MACROD2: variants seen among roughly 807,000 people sequenced by gnomAD.
MACROD2 encodes ADP-ribose glycohydrolase MACROD2.
A neutral mutation model predicts 70.4 loss-of-function variants in MACROD2; 36 were observed. The ratio of observed to expected loss-of-function variants is 0.51; its 90% CI spans 0.39 to 0.68. MACROD2 has a LOEUF of 0.68. Among genes scored for constraint, MACROD2 ranks in the 30% least tolerant of loss-of-function variants. The pLI is 0.00. For synonymous variants in MACROD2, 172 were observed against 178.8 expected, an observed-to-expected ratio of 0.96 and a Z score of 0.30; for missense variants, 496 against 538.4, an observed-to-expected ratio of 0.92 and a Z score of 0.78.
chr20:15,110,967 T>A (rs1200037167), intron 5 of MACROD2, among the ~76,000 whole-genome samples: 1 of 152,190 alleles, frequency 6.6e-6, no homozygotes, highest in Admixed American at 6.5e-5. Flanking sequence ...CTGCATCCAA[T>A]ACTTATTTAA....
intron 4 of MACROD2, among the ~76,000 whole-genome samples, chr20:14,573,126 G>A (rs1258258638): frequency 6.6e-6 from 1 of 151,900 alleles, no homozygotes; most frequent in East Asian, 1.9e-4. Context: ...AATAACATCA[G>A]GATTTGGTAT....
At chr20:15,012,484 C>T (rs2075090438) in intron 5 of MACROD2, among the ~76,000 whole-genome samples, 1 of 152,160 alleles carries the variant, frequency 6.6e-6, no homozygotes, top group Non-Finnish European at 1.5e-5. Flanking sequence ...ATAGGGTGCT[C>T]AGCAAAGTCC....
chr20:15,144,248 G>A (rs376321902), intron 5 of MACROD2, among the ~76,000 whole-genome samples: 2 of 152,018 alleles, frequency 1.3e-5, no homozygotes, highest in African/African-American at 4.8e-5. Context: ...CACTGCACCT[G>A]GCCTACAATT....
intron 3 of MACROD2, among the ~76,000 whole-genome samples, chr20:14,245,240 G>A (rs930541735): frequency 2.0e-5 from 3 of 151,940 alleles, no homozygotes; most frequent in African/African-American, 7.3e-5. Context: ...GCGGGCACCT[G>A]TAGTCCCAGC....
chr20:15,073,136 A>G (rs2075631577), intron 5 of MACROD2, among the ~76,000 whole-genome samples: 1 of 152,102 alleles, frequency 6.6e-6, no homozygotes. Context: ...AAAATTATAA[A>G]TTCCCCAGTC....
chr20:14,516,076 A>C (rs897157501), intron 4 of MACROD2, among the ~76,000 whole-genome samples: 2 of 149,428 alleles, frequency 1.3e-5, no homozygotes, highest in African/African-American at 4.9e-5. Context: ...CTCTCAAATA[A>C]ATAAATAAAT....
At chr20:14,552,634 G>A (rs1013275396) in intron 4 of MACROD2, among the ~76,000 whole-genome samples, 2 of 152,042 alleles carry the variant, frequency 1.3e-5, no homozygotes, top group Admixed American at 1.3e-4. Flanking sequence ...AGATGGGATA[G>A]CCTACTATGT....
chr20:15,544,575 T>C (rs892222804), intron 8 of MACROD2, among the ~76,000 whole-genome samples: 1 of 152,192 alleles, frequency 6.6e-6, no homozygotes, highest in Non-Finnish European at 1.5e-5. Context: ...AGAATCTCAA[T>C]GTGAATTTGG....
chr20:14,455,809 T>G (rs376352157), intron 3 of MACROD2, among the ~76,000 whole-genome samples: 1 of 151,836 alleles, frequency 6.6e-6, no homozygotes, highest in East Asian at 1.9e-4. Context: ...TGCTGAGTGA[T>G]AATACCCATG....
chr20:14,298,617 A>G (rs2082448136), intron 3 of MACROD2, among the ~76,000 whole-genome samples: 1 of 151,516 alleles, frequency 6.6e-6, no homozygotes, highest in Non-Finnish European at 1.5e-5. Flanking sequence ...CTGCTGCCAT[A>G]GATAGTGTTT....
chr20:14,494,914 T>A (rs1252222149), intron 4 of MACROD2, among the ~76,000 whole-genome samples: 1 of 152,150 alleles, frequency 6.6e-6, no homozygotes, highest in Non-Finnish European at 1.5e-5. Context: ...TTGTCCATAG[T>A]GCTGATTTTC....
chr20:14,016,659 A>G (rs1450423364), intron 2 of MACROD2, among the ~76,000 whole-genome samples: 3 of 152,142 alleles, frequency 2.0e-5, no homozygotes, highest in Non-Finnish European at 2.9e-5. Context: ...TTTTCAAGAC[A>G]TTTGAATGGT....
intron 4 of MACROD2, among the ~76,000 whole-genome samples, chr20:14,624,792 A>C (rs1357114894): frequency 6.6e-6 from 1 of 152,118 alleles, no homozygotes; most frequent in Non-Finnish European, 1.5e-5. Context: ...GTTGATAAAG[A>C]AGGAAAAAGT....
At chr20:14,787,768 C>T (rs1335155927) in intron 5 of MACROD2, among the ~76,000 whole-genome samples, 2 of 152,026 alleles carry the variant, frequency 1.3e-5, no homozygotes, top group African/African-American at 4.8e-5. Flanking sequence ...AGAATTATTC[C>T]TCTTTACAGT....
At chr20:14,492,889 C>G (rs1442670806) in intron 3 of MACROD2, among the ~76,000 whole-genome samples, 1 of 151,942 alleles carries the variant, frequency 6.6e-6, no homozygotes, top group African/African-American at 2.4e-5. Flanking sequence ...ATTTTTTTAG[C>G]TCCTATAAAT....
At chr20:14,034,364 T>C (rs1460938155) in intron 2 of MACROD2, among the ~76,000 whole-genome samples, 1 of 152,234 alleles carries the variant, frequency 6.6e-6, no homozygotes, top group Non-Finnish European at 1.5e-5. Flanking sequence ...ATAAGCATTT[T>C]GATTATAATA....
At chr20:15,602,054 C>T (rs536950208) in intron 8 of MACROD2, among the ~76,000 whole-genome samples, 2 of 152,120 alleles carry the variant, frequency 1.3e-5, no homozygotes, top group South Asian at 2.1e-4. Context: ...TGAACTGTTT[C>T]GATTCTTCAG....
At chr20:14,876,059 T>C (rs1218874876) in intron 5 of MACROD2, among the ~76,000 whole-genome samples, 1 of 152,136 alleles carries the variant, frequency 6.6e-6, no homozygotes, top group Non-Finnish European at 1.5e-5. Context: ...TTTCTACAGT[T>C]TAGAAATTGA....
chr20:15,196,068 G>A (rs1413554269), intron 5 of MACROD2, among the ~76,000 whole-genome samples: 1 of 152,060 alleles, frequency 6.6e-6, no homozygotes, highest in African/African-American at 2.4e-5. Context: ...ACACACACTG[G>A]GGCCCTTAAG....
Sources: gnomAD v4.1 joint callset for allele counts (sites outside exome capture counted in the v4.1 genomes callset) on GRCh38, gnomAD v4.1.1 for gene constraint, MANE v1.5 for transcripts, NCBI Gene and HGNC (gene_info 2026-07-23, HGNC 2026-07-21) for gene names.